Variants in ZNF679 observed in about 807,000 individuals in gnomAD.
The protein encoded by ZNF679 is zinc finger protein 679, also known as hypothetical protein MGC42415.
A neutral mutation model predicts 13.4 loss-of-function variants in ZNF679; 10 were observed. That is an observed-to-expected ratio of 0.75 (90% CI 0.46 to 1.27). The LOEUF (loss-of-function observed/expected upper bound fraction) is 1.27. ZNF679 is among the 50% of genes most tolerant of loss of function. ZNF679 has a pLI of 0.00. For missense variants in ZNF679, 525 were observed against 477.8 expected, an observed-to-expected ratio of 1.10 and a Z score of -0.92; for synonymous variants, 179 against 162.5, an observed-to-expected ratio of 1.10 and a Z score of -0.77.
chr7:64,247,631 G>C (rs1362860391), intron 1 of ZNF679, among the ~76,000 whole-genome samples: 2 of 152,058 alleles, frequency 1.3e-5, no homozygotes, highest in African/African-American at 4.8e-5. Flanking sequence ...TCGGCTCACT[G>C]CAACCTCTGC....
At chr7:64,246,529 T>C (rs1455730679) in intron 1 of ZNF679, among the ~76,000 whole-genome samples, 3 of 151,882 alleles carry the variant, frequency 2.0e-5, no homozygotes, top group Non-Finnish European at 2.9e-5. Context: ...TTGAGATCAA[T>C]CTGGCCAACA....
intron 1 of ZNF679, among the ~76,000 whole-genome samples, chr7:64,247,368 C>G (rs959707224): frequency 6.6e-6 from 1 of 152,148 alleles, no homozygotes; most frequent in Non-Finnish European, 1.5e-5. Context: ...GACATGGCCA[C>G]AGAGTGCTGG....
At chr7:64,231,824 G>A (rs1464643516) in intron 1 of ZNF679, among the ~76,000 whole-genome samples, 6 of 152,096 alleles carry the variant, frequency 3.9e-5, no homozygotes, top group African/African-American at 1.2e-4. Flanking sequence ...AGGCAAAAAA[G>A]TAAAAGCAGT....
At chr7:64,252,890 G>A (rs920001424) in intron 2 of ZNF679, among the ~76,000 whole-genome samples, 1 of 152,062 alleles carries the variant, frequency 6.6e-6, no homozygotes, top group Non-Finnish European at 1.5e-5. Flanking sequence ...GCTAATTTCT[G>A]TATTTTCAGT....
rs376022989 is a variant in ZNF679 at position 64,266,284 on chromosome 7, C to G, written c.651C>G (p.Cys217Trp). The G allele has an allele frequency of 6.3e-7, 1 of 1,598,910 alleles. No individual in the cohort carries two copies. The highest frequency in any genetic ancestry group is 1.1e-5 in the South Asian group (1 of 89,856). ...TRENSYQCEE[C>W]GKPFNCSSTL... ...AGAATTCCTACCAATGTGAAGAATGCGGCAAACCCTTCAACTGCTCTTCAA... is the reference window on the plus strand; with the variant it reads ...AGAATTCCTACCAATGTGAAGAATGGGGCAAACCCTTCAACTGCTCTTCAA... The change falls in exon 5 of 5, where the codon TGC (cysteine) becomes TGG (tryptophan). Residue 217 changes from cysteine (C) to tryptophan (W), a missense_variant. Coordinates refer to ENST00000421025, the MANE Select transcript of ZNF679 (RefSeq NM_153363.3).
chr7:64,240,103 A>G (rs1430410664), intron 1 of ZNF679, among the ~76,000 whole-genome samples: 1 of 152,168 alleles, frequency 6.6e-6, no homozygotes, highest in African/African-American at 2.4e-5. Flanking sequence ...CAAAGGGGGC[A>G]TTGTGATATA....
chr7:64,260,672 C>T (rs1385523478), intron 3 of ZNF679, among the ~76,000 whole-genome samples, 162 bp from the exon 4 acceptor site: 1 of 152,042 alleles, frequency 6.6e-6, no homozygotes, highest in East Asian at 1.9e-4. Context: ...AATTAAGGAC[C>T]TACAAATTTA....
rs1465442999 is a variant in ZNF679 at position 64,260,279 on chromosome 7, T to C, written c.98T>C (p.Leu33Pro). The change falls in exon 3 of 5, where the codon CTG becomes CCG. Residue 33 changes from leucine (L) to proline (P), a missense_variant. Coordinates refer to ENST00000421025, the MANE Select transcript of ZNF679 (RefSeq NM_153363.3). ...TTCTCTCTGGAGGAGTGGCAATGCCTGGATCACGCTCAGCAGAATTTATAT... is the reference window on the plus strand; with the variant it reads ...TTCTCTCTGGAGGAGTGGCAATGCCCGGATCACGCTCAGCAGAATTTATAT... Reference protein sequence around the residue: ...IEFSLEEWQCLDHAQQNLYRD... With the variant: ...IEFSLEEWQCPDHAQQNLYRD... The C allele has an allele frequency of 6.2e-7, 1 of 1,612,884 alleles. No homozygotes were observed. The highest frequency in any genetic ancestry group is 8.5e-7 in the Non-Finnish European group (1 of 1,179,576).
At chr7:64,260,193 T>A in intron 2 of ZNF679, 28 bp from the exon 3 acceptor site, 1 of 1,574,512 alleles carries the variant, frequency 6.4e-7, no homozygotes, top group Admixed American at 1.9e-5. Flanking sequence ...TTCATGAGTG[T>A]TTTTTTGTTG....
intron 1 of ZNF679, among the ~76,000 whole-genome samples, chr7:64,246,029 G>A (rs1787865017): frequency 1.3e-5 from 2 of 152,146 alleles, no homozygotes; most frequent in African/African-American, 4.8e-5. Flanking sequence ...CAAACACAAA[G>A]ACAATAGTGG....
chr7:64,231,900 A>G (rs577858779), intron 1 of ZNF679, among the ~76,000 whole-genome samples: 1 of 152,344 alleles, frequency 6.6e-6, no homozygotes, highest in South Asian at 2.1e-4. Context: ...AAAATTTCTA[A>G]TCTTGCAAAT....
intron 1 of ZNF679, among the ~76,000 whole-genome samples, chr7:64,235,001 C>T (rs532708571): frequency 2.0e-5 from 3 of 152,254 alleles, no homozygotes; most frequent in South Asian, 4.1e-4. Flanking sequence ...CCATGCCTGG[C>T]TAATTTTTGT....
intron 1 of ZNF679, among the ~76,000 whole-genome samples, chr7:64,247,657 G>T (rs1787886549): frequency 6.6e-6 from 1 of 152,108 alleles, no homozygotes. Flanking sequence ...GGGTTCAGGC[G>T]ATTCTCCTGC....
chr7:64,233,590 C>G (rs1048199119), intron 1 of ZNF679, among the ~76,000 whole-genome samples: 2 of 152,160 alleles, frequency 1.3e-5, no homozygotes, highest in African/African-American at 2.4e-5. Flanking sequence ...TCCGTGTAAC[C>G]TGCTTGGGGC....
chr7:64,265,046 G>A (rs1423896671), intron 4 of ZNF679, among the ~76,000 whole-genome samples: 1 of 151,668 alleles, frequency 6.6e-6, no homozygotes, highest in Non-Finnish European at 1.5e-5. Flanking sequence ...ATTATCTTAT[G>A]TTTTTAAAAT....
intron 1 of ZNF679, among the ~76,000 whole-genome samples, chr7:64,243,302 G>A (rs1184125191): frequency 6.6e-6 from 1 of 152,170 alleles, no homozygotes; most frequent in Non-Finnish European, 1.5e-5. Flanking sequence ...CCTGTGGGCA[G>A]AGACTAGGAG....
chr7:64,265,012 T>C (rs921178073), intron 4 of ZNF679, among the ~76,000 whole-genome samples: 2 of 152,098 alleles, frequency 1.3e-5, no homozygotes, highest in African/African-American at 4.8e-5. Context: ...TGGTTTTCCA[T>C]TTTTCTCACT....
At chr7:64,233,309 G>A (rs577829498) in intron 1 of ZNF679, among the ~76,000 whole-genome samples, 3 of 150,632 alleles carry the variant, frequency 2.0e-5, no homozygotes, top group African/African-American at 4.9e-5. Context: ...TGGGCAACAC[G>A]GGGAGACCTC....
At chr7:64,230,383 A>G (rs1017376380) in intron 1 of ZNF679, among the ~76,000 whole-genome samples, 2 of 151,706 alleles carry the variant, frequency 1.3e-5, no homozygotes, top group African/African-American at 4.8e-5. Flanking sequence ...AATACAAAAA[A>G]TTAGCCGGGC....
Sources: allele counts gnomAD v4.1 joint callset (sites outside exome capture counted in the v4.1 genomes callset), GRCh38; gene constraint gnomAD v4.1.1; transcripts MANE v1.5; gene names NCBI Gene and HGNC (gene_info 2026-07-23, HGNC 2026-07-21).